The following HMBOX1 variants were observed in gnomAD, a reference collection of about 807,000 sequenced individuals.
HMBOX1 encodes homeobox containing 1, also known as homeobox-containing protein 1.
Under a neutral mutation model 54.5 loss-of-function variants are expected in HMBOX1, and 14 were observed. The ratio of observed to expected loss-of-function variants is 0.26; its 90% CI spans 0.17 to 0.40. HMBOX1 has a LOEUF of 0.40. Ranked by LOEUF, HMBOX1 falls within the 10% of genes least tolerant of loss-of-function variation. The probability of loss-of-function intolerance (pLI) is 1.00; values close to 1 mark genes in which losing one functional copy is unlikely to be tolerated. For missense variants in HMBOX1, 332 were observed against 514.4 expected (o/e 0.65, Z 3.43); for synonymous variants, 160 against 181.0 (o/e 0.88, Z 0.93).
At chr8:29,006,558 C>T (rs11136056) in intron 4 of HMBOX1, among the ~76,000 whole-genome samples, 87,888 of 151,982 alleles carry the variant, frequency 0.58, 26,456 homozygotes, top group East Asian at 0.69. Context: ...ATAGCCTTGC[C>T]AGCACTTGAT....
rs139077500 is a variant in HMBOX1 at position 28,979,567 on chromosome 8, G to A, written c.501-504G>A. ...TTCTTCAAATGGCTAACATTTTTACGGTTGTGAGAATGATGATTGCTTTTT... is the reference window on the plus strand; with the variant it reads ...TTCTTCAAATGGCTAACATTTTTACAGTTGTGAGAATGATGATTGCTTTTT... On this transcript the variant is annotated intron_variant, in intron 3 of 9. Transcript: ENST00000287701. Among the ~76,000 whole-genome samples, 492 of 152,228 alleles carry A rather than the reference G, an allele frequency of 3.2e-3. 2 individuals are homozygous for A. Among genetic ancestry groups the A allele is most frequent in the African/African-American group, 0.011 (468 of 41,534 alleles).
At chr8:28,968,039 TAAAAC>T (rs1343830285) in intron 2 of HMBOX1, among the ~76,000 whole-genome samples, 1 of 152,196 alleles carries the variant, frequency 6.6e-6, no homozygotes, top group African/African-American at 2.4e-5. Context: ...ATTTGAAAGA[TAAAAC>T]AATCAGTGAA....
chr8:28,928,051 C>T (rs935888409), intron 1 of HMBOX1, among the ~76,000 whole-genome samples: 1 of 151,688 alleles, frequency 6.6e-6, no homozygotes, highest in Non-Finnish European at 1.5e-5. Context: ...AGGAGAATCA[C>T]TTGAACTCGG....
intron 1 of HMBOX1, among the ~76,000 whole-genome samples, chr8:28,941,848 A>G (rs1310266489): frequency 6.6e-6 from 1 of 152,232 alleles, no homozygotes; most frequent in South Asian, 2.1e-4. Flanking sequence ...ACCTATAGAC[A>G]GAGATGGAGA....
intron 1 of HMBOX1, among the ~76,000 whole-genome samples, chr8:28,931,772 C>G (rs1285347237): frequency 1.3e-5 from 2 of 152,182 alleles, no homozygotes; most frequent in African/African-American, 2.4e-5. Context: ...AACTCCTGGA[C>G]TCAAGTGATC....
intron 6 of HMBOX1, among the ~76,000 whole-genome samples, chr8:29,036,717 G>A (rs1010900497): frequency 6.6e-6 from 1 of 152,196 alleles, no homozygotes; most frequent in African/African-American, 2.4e-5. Flanking sequence ...GTGAGATGAA[G>A]TCCGAAACAA....
At chr8:28,957,648 C>T (rs1001493506) in intron 1 of HMBOX1, among the ~76,000 whole-genome samples, 1 of 152,056 alleles carries the variant, frequency 6.6e-6, no homozygotes, top group African/African-American at 2.4e-5. Flanking sequence ...TTTGAGATAG[C>T]GTCTTGCTCT....
chr8:29,050,359 G>A (rs1177178336), intron 9 of HMBOX1: 3 of 327,218 alleles, frequency 9.2e-6, no homozygotes, highest in Non-Finnish European at 1.3e-5. Flanking sequence ...TGAGCTGCGC[G>A]GGGAGGACAG....
chr8:28,951,959 A>G (rs773715466), intron 1 of HMBOX1, among the ~76,000 whole-genome samples: 1 of 152,046 alleles, frequency 6.6e-6, no homozygotes, highest in African/African-American at 2.4e-5. Flanking sequence ...CTTAAGCCCG[A>G]TCAGGAGTTT....
intron 6 of HMBOX1, chr8:29,042,719 G>A (rs1405375170): frequency 6.6e-6 from 3 of 456,070 alleles, no homozygotes; most frequent in South Asian, 4.6e-5. Flanking sequence ...GGCTGGACAG[G>A]TATGGTGGAA....
chr8:28,945,845 A>G (rs1822337371), intron 1 of HMBOX1, among the ~76,000 whole-genome samples: 2 of 151,964 alleles, frequency 1.3e-5, no homozygotes, highest in Admixed American at 6.6e-5. Context: ...ATAAGATACA[A>G]TTCACATACC....
At chr8:28,991,558 A>G (rs1161561123) in intron 4 of HMBOX1, among the ~76,000 whole-genome samples, 1 of 152,208 alleles carries the variant, frequency 6.6e-6, no homozygotes, top group Non-Finnish European at 1.5e-5. Flanking sequence ...ATATTGCCCC[A>G]AGCTCATCAT....
At chr8:29,025,492 T>C (rs1029473599) in intron 6 of HMBOX1, among the ~76,000 whole-genome samples, 3 of 152,250 alleles carry the variant, frequency 2.0e-5, no homozygotes, top group South Asian at 2.1e-4. Context: ...AGAAGAGTTA[T>C]GAGAATTATT....
chr8:29,010,253 T>C (rs1055595834), intron 5 of HMBOX1: 1 of 564,458 alleles, frequency 1.8e-6, no homozygotes, highest in Non-Finnish European at 2.2e-6. Flanking sequence ...TTACTCTTTC[T>C]TAGATATAAT....
intron 4 of HMBOX1, among the ~76,000 whole-genome samples, chr8:28,982,168 G>A (rs10097396): frequency 0.031 from 4,756 of 152,256 alleles, 235 homozygotes; most frequent in African/African-American, 0.11. Context: ...GGGAAGCGGA[G>A]CTTGCAGTGA....
intron 5 of HMBOX1, chr8:29,009,838 A>G (rs1009488333): frequency 5.8e-6 from 7 of 1,212,914 alleles, no homozygotes; most frequent in Non-Finnish European, 7.3e-6. Flanking sequence ...TTATAAAGTG[A>G]AATCTGAAGT....
intron 4 of HMBOX1, among the ~76,000 whole-genome samples, chr8:28,980,993 C>T (rs146559483): frequency 1.2e-3 from 183 of 152,258 alleles, no homozygotes; most frequent in Middle Eastern, 3.4e-3. Context: ...TTTTTAGCCT[C>T]TGTGCCTCAG....
intron 6 of HMBOX1, among the ~76,000 whole-genome samples, chr8:29,025,141 G>A (rs528817162): frequency 6.6e-6 from 1 of 152,154 alleles, no homozygotes; most frequent in South Asian, 2.1e-4. Flanking sequence ...CAAAAGGATA[G>A]AAAATGGATA....
intron 5 of HMBOX1, chr8:29,010,002 G>A: frequency 2.0e-6 from 2 of 984,242 alleles, no homozygotes; most frequent in Non-Finnish European, 2.4e-6. Context: ...CATAATAATA[G>A]CATTGGCTCT....
Sources: allele counts gnomAD v4.1 joint callset (sites outside exome capture counted in the v4.1 genomes callset), GRCh38; gene constraint gnomAD v4.1.1; transcripts MANE v1.5; gene names NCBI Gene and HGNC (gene_info 2026-07-23, HGNC 2026-07-21).